PSD3: variants seen among roughly 807,000 people sequenced by gnomAD.
The protein encoded by PSD3 is PH and SEC7 domain-containing protein 3.
PSD3 carries 49 observed loss-of-function variants against 105.5 expected under a neutral mutation model. The observed-to-expected ratio is 0.46, with a 90% CI of 0.37 to 0.59. The LOEUF (loss-of-function observed/expected upper bound fraction) is 0.59. Among genes scored for constraint, PSD3 ranks in the 20% least tolerant of loss-of-function variants. The pLI, the probability that PSD3 is intolerant of heterozygous loss-of-function variation, is 0.00. For missense variants in PSD3, 1,561 were observed against 1,263.8 expected, an observed-to-expected ratio of 1.24 and a Z score of -3.57; for synonymous variants, 557 against 457.8, an observed-to-expected ratio of 1.22 and a Z score of -2.77.
At chr8:19,080,049 C>T (rs1216614466) in intron 1 of PSD3, among the ~76,000 whole-genome samples, 3 of 152,074 alleles carry the variant, frequency 2.0e-5, no homozygotes, top group African/African-American at 7.2e-5. Context: ...ACCACCATGC[C>T]TGGCTAATTT....
At chr8:18,564,357 G>A (rs540393198) in intron 14 of PSD3, among the ~76,000 whole-genome samples, 3 of 152,086 alleles carry the variant, frequency 2.0e-5, no homozygotes, top group South Asian at 4.1e-4. Flanking sequence ...GGCCAGGCAC[G>A]GTGGCTCACG....
chr8:18,596,501 C>T (rs982862969), intron 12 of PSD3, among the ~76,000 whole-genome samples: 2 of 150,894 alleles, frequency 1.3e-5, no homozygotes, highest in African/African-American at 4.9e-5. Flanking sequence ...AAGATTAGAG[C>T]AGAAATAAAA....
At chr8:18,687,473 G>T (rs1050824784) in intron 9 of PSD3, among the ~76,000 whole-genome samples, 6 of 145,980 alleles carry the variant, frequency 4.1e-5, no homozygotes, top group African/African-American at 1.6e-4. Context: ...CTCAAAAAAA[G>T]AAAATTTAGC....
intron 1 of PSD3, among the ~76,000 whole-genome samples, chr8:19,010,785 T>C (rs1389401031): frequency 6.6e-6 from 1 of 152,040 alleles, no homozygotes; most frequent in African/African-American, 2.4e-5. Flanking sequence ...TGTACTCTCC[T>C]AAATGAAAGC....
chr8:18,791,365 T>C (rs1482466338), intron 8 of PSD3, among the ~76,000 whole-genome samples: 1 of 152,090 alleles, frequency 6.6e-6, no homozygotes, highest in Non-Finnish European at 1.5e-5. Context: ...AACATGGTAC[T>C]GGTACAAGAA....
chr8:18,716,041 T>C (rs1360244485), intron 9 of PSD3, among the ~76,000 whole-genome samples: 3 of 152,206 alleles, frequency 2.0e-5, no homozygotes, highest in African/African-American at 7.2e-5. Context: ...GGACAGAGCA[T>C]AACGGCAGGA....
intron 2 of PSD3, among the ~76,000 whole-genome samples, chr8:18,882,739 T>C (rs550125935): frequency 6.6e-6 from 1 of 152,170 alleles, no homozygotes; most frequent in African/African-American, 2.4e-5. Flanking sequence ...AAAATTGAAA[T>C]TGTAGTTCCT....
At chr8:18,992,965 C>T (rs866964803) in intron 1 of PSD3, among the ~76,000 whole-genome samples, 36 of 152,198 alleles carry the variant, frequency 2.4e-4, no homozygotes, top group Admixed American at 5.9e-4. Flanking sequence ...GATTAAAGGA[C>T]GCAATTTATT....
At chr8:18,713,003 T>C (rs1802347951) in intron 9 of PSD3, among the ~76,000 whole-genome samples, 1 of 152,114 alleles carries the variant, frequency 6.6e-6, no homozygotes, top group Non-Finnish European at 1.5e-5. Context: ...TTAATGTAAT[T>C]CATCACATAC....
At chr8:18,588,685 A>T (rs1158594290) in intron 12 of PSD3, among the ~76,000 whole-genome samples, 2 of 152,236 alleles carry the variant, frequency 1.3e-5, no homozygotes, top group East Asian at 3.8e-4. Context: ...CCGGAGAAGC[A>T]ACCTTCTTGG....
chr8:18,859,330 T>G (rs1816260836), intron 4 of PSD3, among the ~76,000 whole-genome samples: 1 of 151,916 alleles, frequency 6.6e-6, no homozygotes, highest in Non-Finnish European at 1.5e-5. Flanking sequence ...CCTTTGTAGT[T>G]CCATTCCTAG....
chr8:18,878,674 C>T (rs1200535189), intron 2 of PSD3, among the ~76,000 whole-genome samples: 1 of 152,180 alleles, frequency 6.6e-6, no homozygotes, highest in East Asian at 1.9e-4. Context: ...AACACCTAAA[C>T]CAAATCCCCT....
rs556454636 is a variant in PSD3 at position 18,623,419 on chromosome 8, C to G, written c.2410+9194G>C. 2.2e-4 allele frequency among the ~76,000 whole-genome samples: 27 copies of G among 121,330 alleles called. 1 individual carries two copies. In the South Asian group the frequency reaches 6.5e-3, roughly 29 times the overall value. 79.6% of individuals were successfully genotyped at this position (121,330 alleles called of 152,430 possible). On this transcript the variant is annotated intron_variant, in intron 11 of 15. Coordinates refer to ENST00000327040, the MANE Select transcript of PSD3 (RefSeq NM_015310.4). ...TTGAGGCCAAGAGTTCAAGACCAGT[C>G]TGGGCAATATAGTCAGCCCCCGTCT...
chr8:18,783,065 AC>A (rs1376310499), intron 8 of PSD3, among the ~76,000 whole-genome samples: 1 of 152,210 alleles, frequency 6.6e-6, no homozygotes. Flanking sequence ...GTGTAAAAAA[AC>A]TGATGTTAAA....
chr8:18,850,073 G>C (rs551744193), intron 4 of PSD3, among the ~76,000 whole-genome samples: 2 of 152,200 alleles, frequency 1.3e-5, no homozygotes, highest in Non-Finnish European at 2.9e-5. Context: ...GGGAAAGCTA[G>C]ACTAAAATGT....
At chr8:18,696,477 C>G (rs10107267) in intron 9 of PSD3, among the ~76,000 whole-genome samples, 1 of 152,188 alleles carries the variant, frequency 6.6e-6, no homozygotes, top group South Asian at 2.1e-4. Flanking sequence ...CTTTCAATTA[C>G]TCTGTGTGGC....
intron 9 of PSD3, among the ~76,000 whole-genome samples, chr8:18,745,110 C>G (rs1028164098): frequency 2.0e-5 from 3 of 152,166 alleles, no homozygotes; most frequent in Non-Finnish European, 2.9e-5. Flanking sequence ...ATCTTGATCA[C>G]TTGGTTAAGG....
At chr8:19,046,050 G>A (rs1309751439) in intron 1 of PSD3, among the ~76,000 whole-genome samples, 1 of 152,012 alleles carries the variant, frequency 6.6e-6, no homozygotes, top group Non-Finnish European at 1.5e-5. Flanking sequence ...ACTCTTATAG[G>A]GATTACACAA....
chr8:19,009,655 C>A (rs1271854011), intron 1 of PSD3, among the ~76,000 whole-genome samples: 1 of 152,132 alleles, frequency 6.6e-6, no homozygotes, highest in East Asian at 1.9e-4. Context: ...TTTGGGAGGC[C>A]AAGGAAGGCA....
Sources: gnomAD v4.1 joint callset for allele counts (sites outside exome capture counted in the v4.1 genomes callset) on GRCh38, gnomAD v4.1.1 for gene constraint, MANE v1.5 for transcripts, NCBI Gene and HGNC (gene_info 2026-07-23, HGNC 2026-07-21) for gene names.